The following MTMR4 variants were observed in gnomAD, a reference collection of about 807,000 sequenced individuals.
MTMR4 encodes myotubularin related protein 4, also known as phosphatidylinositol-3,5-bisphosphate 3-phosphatase MTMR4.
Under a neutral mutation model 125.5 loss-of-function variants are expected in MTMR4, and 30 were observed. The observed-to-expected ratio is 0.24, with a 90% CI of 0.18 to 0.32. The LOEUF (loss-of-function observed/expected upper bound fraction) is 0.32, where lower values mean the gene tolerates loss of function less well. MTMR4 is among the 10% of genes least tolerant of loss of function. The pLI is 1.00. For missense variants in MTMR4, 1,039 were observed against 1,511.5 expected (o/e 0.69, Z 5.18); for synonymous variants, 498 against 564.5 (o/e 0.88, Z 1.67).
chr17:58,499,685 G>A (rs1156320774), intron 14 of MTMR4, among the ~76,000 whole-genome samples: 5 of 150,966 alleles, frequency 3.3e-5, no homozygotes, highest in African/African-American at 7.3e-5. Flanking sequence ...GCAGTGGCGC[G>A]ATCTCTGCTC....
At position 58,505,510 on chromosome 17, in the gene MTMR4, G is replaced by A; in HGVS notation, c.1107C>T (p.Tyr369=). 6.2e-7 allele frequency: 1 copy of A among 1,613,290 alleles called. No individual in the cohort carries two copies. The highest frequency in any genetic ancestry group is 1.3e-5 in the African/African-American group (1 of 75,014). Residue 369 remains tyrosine (Y), a synonymous_variant, in exon 10 of 18, where the codon TAC becomes TAT. Coordinates refer to ENST00000682306, the MANE Select transcript of MTMR4 (RefSeq NM_001378067.1). ...GCATCTGGCTACACACAGCCCGGAG[G>A]TACTGAAAGCTGTTCCGGATGGCAT... ...NIHAIRNSFQ[Y]LRAVCSQMPD... is the part of the protein sequence containing the mutation.
rs765432521 is a variant in MTMR4, at chr17:58,504,110, C to A, written c.1638G>T (p.Ala546=). 6.2e-7 allele frequency: 1 copy of A among 1,601,058 alleles called. No homozygotes were observed. The highest frequency in any genetic ancestry group is 1.8e-5 in the Admixed American group (1 of 56,720). The change falls in exon 13 of 18, where the codon GCG becomes GCT. Residue 546 remains alanine, a synonymous_variant. Transcript: ENST00000682306. This position sits in a 1 kb window ranked among gnomAD's most constrained non-coding sequence, Gnocchi z 7.1. ...NIYKRTCSVW[A]LLRAGNKNFH... Reference sequence around the variant, plus strand: ...AGTTTTTATTGCCAGCTCGAAGGAGCGCCCACACAGAGCAGGTCCGCTTGT... The same window carrying A: ...AGTTTTTATTGCCAGCTCGAAGGAGAGCCCACACAGAGCAGGTCCGCTTGT...
At chr17:58,511,640 C>G (rs1258882892) in intron 3 of MTMR4, 129 bp from the exon 4 acceptor site, 4 of 704,100 alleles carry the variant, frequency 5.7e-6, no homozygotes, top group Non-Finnish European at 9.7e-6. Flanking sequence ...CTGTTAAGCA[C>G]CTGGTAACTG....
upstream of MTMR4, among the ~76,000 whole-genome samples, chr17:58,515,516 T>C (rs1216918766): frequency 2.0e-5 from 3 of 152,196 alleles, no homozygotes; most frequent in African/African-American, 7.2e-5. Flanking sequence ...TCTAACATTA[T>C]CTCAGTAAAA....
chr17:58,496,557 A>T (rs1354057157), intron 14 of MTMR4, among the ~76,000 whole-genome samples: 1 of 152,206 alleles, frequency 6.6e-6, no homozygotes, highest in Non-Finnish European at 1.5e-5. Flanking sequence ...CCGGAACCCA[A>T]AAATCTATCC....
Position 58,514,498 on chromosome 17 carries a change from C to T in MTMR4, c.-91G>A. 2.0e-6 allele frequency: 2 copies of T among 985,162 alleles called. No homozygotes were observed. The highest frequency in any genetic ancestry group is 2.4e-6 in the Non-Finnish European group (2 of 829,906). 61.0% of individuals were successfully genotyped at this position (985,162 alleles called of 1,614,324 possible). ...CGCCCGCCGCATCCCGGCTGCGGGG[C>T]TCGCCAGGTGCAGCCGCGGCGGCCA... On this transcript the variant is annotated 5_prime_UTR_variant, in exon 1 of 18. Transcript: ENST00000682306.
upstream of MTMR4, chr17:58,516,730 C>A: frequency 1.1e-6 from 1 of 915,618 alleles, no homozygotes; most frequent in South Asian, 1.4e-5. Context: ...ATTCTTCTCC[C>A]TCACAGAGAC....
upstream of MTMR4, among the ~76,000 whole-genome samples, chr17:58,518,598 C>T (rs1484752643): frequency 6.6e-6 from 1 of 152,202 alleles, no homozygotes; most frequent in East Asian, 1.9e-4. Context: ...GAAGAACTCT[C>T]CTCTCATCCC....
At chr17:58,501,100 G>A (rs998730293) in intron 14 of MTMR4, among the ~76,000 whole-genome samples, 19 of 151,984 alleles carry the variant, frequency 1.3e-4, no homozygotes, top group Admixed American at 1.1e-3. Context: ...AACCTATCAC[G>A]GTCCCCTCAC....
rs1399745739 is a variant in MTMR4, at chr17:58,495,526, C to T, written c.2658G>A (p.Gly886=). Residue 886 remains glycine, a synonymous_variant, in exon 15 of 18, where the codon GGG becomes GGA. Coordinates refer to ENST00000682306, the MANE Select transcript of MTMR4 (RefSeq NM_001378067.1). ...CAAAGCGAGGATTTTCCAATAACTG[C>T]CCATTCCTATTATTTCCTCTTTTAC... ...DIGKRGNNRN[G]QLLENPRFGK... is the part of the protein sequence containing the mutation. 1.2e-6 allele frequency: 2 copies of T among 1,614,208 alleles called. No homozygotes were observed. The highest frequency in any genetic ancestry group is 1.7e-6 in the Non-Finnish European group (2 of 1,180,052).
chr17:58,489,731 A>G lies in MTMR4; in HGVS notation c.*1932T>C, dbSNP rs537416872. 1.3e-5 allele frequency: 2 copies of G among 152,596 alleles called. No homozygotes were observed. The highest frequency in any genetic ancestry group is 3.9e-4 in the East Asian group (2 of 5,190). The allele number at this position is 152,596 out of a possible 1,614,324, so 9.5% of individuals were successfully genotyped here. A position where few individuals can be genotyped will look rare whatever the true frequency, so the allele number is the denominator to read the frequency against. On this transcript the variant is annotated 3_prime_UTR_variant, in exon 18 of 18. Coordinates refer to ENST00000682306, the MANE Select transcript of MTMR4 (RefSeq NM_001378067.1). ...CTCTCCAAGGCCATGCAGTTTGTTC[A>G]CTGATGGGACAGTCCCTCAAAACAG...
Position 58,491,484 on chromosome 17 carries a change from G to A in MTMR4, c.*179C>T, listed in dbSNP as rs1240932168. The A allele has an allele frequency of 6.7e-6, 4 of 592,830 alleles. No individual in the cohort carries two copies. The highest frequency in any genetic ancestry group is 3.8e-5 in the African/African-American group (2 of 53,074). 36.7% of individuals were successfully genotyped at this position (592,830 alleles called of 1,614,324 possible). A position where few individuals can be genotyped will look rare whatever the true frequency, so the allele number is the denominator to read the frequency against. On this transcript the variant is annotated 3_prime_UTR_variant, in exon 18 of 18. Coordinates refer to ENST00000682306, the MANE Select transcript of MTMR4 (RefSeq NM_001378067.1). The stretch of plus-strand genomic sequence containing the variant: ...CCAAGGTGAGGGTATCACCAGTAGA[G>A]GACCTCCTGCTAAATTGCAATTCCT...
At position 58,492,912 on chromosome 17, in the gene MTMR4, A is replaced by G; in HGVS notation, c.3293T>C (p.Phe1098Ser). ...KESDGSDTED[F>S]GSDHSEDCLS... ...GCAGTCTTCACTGTGATCAGAGCCAAAATCCTCAGTATCACTGCCATCTGA... is the reference window on the plus strand; with the variant it reads ...GCAGTCTTCACTGTGATCAGAGCCAGAATCCTCAGTATCACTGCCATCTGA... Residue 1098 changes from phenylalanine (F) to serine (S), a missense_variant, in exon 16 of 18, where the codon TTT becomes TCT. Physicochemically the swap from Phe to Ser is radical, Grantham distance 155. Coordinates refer to ENST00000682306, the MANE Select transcript of MTMR4 (RefSeq NM_001378067.1). The G allele has an allele frequency of 1.2e-6, 2 of 1,614,250 alleles. No homozygotes were observed. The highest frequency in any genetic ancestry group is 8.5e-7 in the Non-Finnish European group (1 of 1,180,040).
Position 58,495,350 on chromosome 17 carries a change from C to A in MTMR4, c.2834G>T (p.Gly945Val), listed in dbSNP as rs1350892333. The A allele has an allele frequency of 6.8e-6, 11 of 1,614,236 alleles. No individual in the cohort carries two copies. Among genetic ancestry groups the A allele is most frequent in the Non-Finnish European group, 9.3e-6 (11 of 1,180,052 alleles). Reference sequence around the variant, plus strand: ...ACTGTTTGGCCTCTTGCTACAACAGCCATAGGAAAGCAGCCGCCGAGGGGT... The same window carrying A: ...ACTGTTTGGCCTCTTGCTACAACAGACATAGGAAAGCAGCCGCCGAGGGGT... The part of the protein sequence containing the change: ...EATPRRLLSY[G>V]CCSKRPNSKQ... The change falls in exon 15 of 18, where the codon GGC becomes GTC. Residue 945 changes from glycine to valine, a missense_variant. Gly to Val is a moderately radical substitution (Grantham distance 109, BLOSUM62 -3). Around this residue, in one of 6 missense-constraint regions of MTMR4, gnomAD observed 619 missense variants for 714.5 expected, o/e 0.87. Transcript: ENST00000682306.
At chr17:58,514,270 G>T in intron 1 of MTMR4, 93 bp downstream of exon 1, 1 of 971,124 alleles carries the variant, frequency 1.0e-6, no homozygotes, top group African/African-American at 1.8e-5. Flanking sequence ...CGGGCCAGGG[G>T]CCTCGGGAAG....
At chr17:58,503,011 A>G (rs1230286382) in intron 14 of MTMR4, among the ~76,000 whole-genome samples, 1 of 152,196 alleles carries the variant, frequency 6.6e-6, no homozygotes, top group African/African-American at 2.4e-5. Context: ...GGAGTAATAT[A>G]AGGCCATCCT....
At position 58,492,955 on chromosome 17, in the gene MTMR4, G is replaced by T; in HGVS notation, c.3253-3C>A. 1 of 1,612,370 alleles carries T rather than the reference G, an allele frequency of 6.2e-7. No homozygotes were observed. The highest frequency in any genetic ancestry group is 8.5e-7 in the Non-Finnish European group (1 of 1,178,390). The stretch of plus-strand genomic sequence containing the variant: ...CCATCTGACTCCTTCAAACATGTCT[G>T]ATGAAAAGGCAAAGACAACAAATTA... On this transcript the variant is annotated splice_region_variant and splice_polypyrimidine_tract_variant and intron_variant, in intron 15 of 17. Transcript: ENST00000682306.
rs1975291946 is a variant in MTMR4, at chr17:58,490,650, C to T, written c.*1013G>A. 1 of 152,530 alleles carries T rather than the reference C, an allele frequency of 6.6e-6. No individual in the cohort carries two copies. Among genetic ancestry groups the T allele is most frequent in the Admixed American group, 6.6e-5 (1 of 15,260 alleles). 9.4% of individuals were successfully genotyped at this position (152,530 alleles called of 1,614,324 possible). A position where few individuals can be genotyped will look rare whatever the true frequency, so the allele number is the denominator to read the frequency against. On this transcript the variant is annotated 3_prime_UTR_variant, in exon 18 of 18. Transcript: ENST00000682306. ...TTCTACCCTCAAGGTGTCAAGTGTT[C>T]AGGATAAGAAGCAATGTGACCCAGA...
Position 58,508,473 on chromosome 17 carries a change from G to C in MTMR4, c.588C>G (p.Asn196Lys). ...TTGGTCCCCAACCCTCTCACTTGTA[G>C]TTGCTGTTGATGTGTGAGACTCTCC... is the stretch of plus-strand genomic sequence containing the variant. ...NVWRVSHINS[N>K]YKLCPSYPQK... The change falls in exon 6 of 18, where the codon AAC becomes AAG. Residue 196 changes from asparagine (N) to lysine (K), a missense_variant. Asn to Lys is a moderately conservative substitution (Grantham distance 94). Around this residue, in one of 6 missense-constraint regions of MTMR4, gnomAD observed 202 missense variants for 311.9 expected, o/e 0.65. Transcript: ENST00000682306. This position sits in a 1 kb window ranked among gnomAD's most constrained non-coding sequence, Gnocchi z 4.8. 6.2e-7 allele frequency: 1 copy of C among 1,614,190 alleles called. No individual in the cohort carries two copies. Among genetic ancestry groups the C allele is most frequent in the Non-Finnish European group, 8.5e-7 (1 of 1,180,018 alleles).
Sources: allele counts gnomAD v4.1 joint callset (sites outside exome capture counted in the v4.1 genomes callset), GRCh38; gene constraint gnomAD v4.1.1; regional missense constraint gnomAD v4.1.1; non-coding constraint Gnocchi (gnomAD v3.1); transcripts MANE v1.5; gene names NCBI Gene and HGNC (gene_info 2026-07-23, HGNC 2026-07-21).